TMCO6: variants seen among roughly 807,000 people sequenced by gnomAD.
TMCO6 encodes the protein transmembrane and coiled-coil domains 6.
Under a neutral mutation model 61.8 loss-of-function variants are expected in TMCO6, and 47 were observed. The ratio of observed to expected loss-of-function variants is 0.76; its 90% CI spans 0.60 to 0.97. The LOEUF is 0.97. Among genes scored for constraint, TMCO6 ranks in the 50% least tolerant of loss-of-function variants. The pLI is 0.00. For synonymous variants in TMCO6, 261 were observed against 254.2 expected (o/e 1.03, Z -0.25); for missense variants, 557 against 601.6 (o/e 0.93, Z 0.78).
upstream of TMCO6, among the ~76,000 whole-genome samples, chr5:140,637,948 CT>C (rs1262574162): frequency 6.7e-6 from 1 of 150,180 alleles, no homozygotes; most frequent in African/African-American, 2.5e-5. Flanking sequence ...CTCCTTTCCT[CT>C]TTTCTTTTCT....
chr5:140,639,941 A>G (rs946955558), intron 2 of TMCO6, 90 bp downstream of exon 2: 1 of 1,086,798 alleles, frequency 9.2e-7, no homozygotes, highest in African/African-American at 1.6e-5. Context: ...ACCTGAACGC[A>G]ATCCACTCTA....
the TMCO6 span, among the ~76,000 whole-genome samples, chr5:140,615,051 C>T: frequency 6.6e-6 from 1 of 152,126 alleles, no homozygotes; most frequent in Non-Finnish European, 1.5e-5. Context: ...ATGTAGAAAA[C>T]CCTAAAAATT....
chr5:140,604,780 C>G, the TMCO6 span, among the ~76,000 whole-genome samples: 1 of 124,722 alleles, frequency 8.0e-6, no homozygotes, highest in Non-Finnish European at 1.7e-5. Flanking sequence ...TGTCATTTCT[C>G]TTTTTTTTTT....
intron 2 of TMCO6, among the ~76,000 whole-genome samples, chr5:140,640,400 TTTTTC>T (rs535649277): frequency 3.2e-4 from 49 of 151,952 alleles, no homozygotes; most frequent in African/African-American, 8.5e-4. Context: ...GAGCCTATTT[TTTTTC>T]TTTTCTTTTC....
chr5:140,637,713 T>C (rs1480642864), upstream of TMCO6, among the ~76,000 whole-genome samples: 1 of 152,214 alleles, frequency 6.6e-6, no homozygotes, highest in Non-Finnish European at 1.5e-5. Flanking sequence ...GAAGGTTTCC[T>C]CTGCAAATAA....
chr5:140,604,971 T>A, the TMCO6 span, among the ~76,000 whole-genome samples: 1 of 152,302 alleles, frequency 6.6e-6, no homozygotes, highest in South Asian at 2.1e-4. Flanking sequence ...TGCATAAACA[T>A]TGAAGGGATG....
the TMCO6 span, chr5:140,632,394 G>T: frequency 5.6e-5 from 90 of 1,614,066 alleles, no homozygotes; most frequent in South Asian, 9.8e-4. The surrounding 1 kb of genome is among the most constrained non-coding windows in gnomAD (Gnocchi z 6.2). Flanking sequence ...GTCTAGGCTG[G>T]TAAGGGCCGG....
At chr5:140,631,657 G>A in the TMCO6 span, 3 of 494,952 alleles carry the variant, frequency 6.1e-6, no homozygotes, top group African/African-American at 1.9e-5. Flanking sequence ...TAAGTATGAT[G>A]AATTCCCCAT....
the TMCO6 span, among the ~76,000 whole-genome samples, chr5:140,613,598 G>A: frequency 6.6e-6 from 1 of 151,964 alleles, no homozygotes; most frequent in Non-Finnish European, 1.5e-5. Flanking sequence ...CTAGGTACCA[G>A]TCCCTTTTAT....
At chr5:140,597,702 C>T in the TMCO6 span, among the ~76,000 whole-genome samples, 3 of 152,270 alleles carry the variant, frequency 2.0e-5, no homozygotes, top group South Asian at 6.2e-4. Flanking sequence ...TAACAAGTGC[C>T]TCCCCTTCAG....
intron 10 of TMCO6, 43 bp from the exon 11 acceptor site, chr5:140,644,528 CTT>C (rs745596344): frequency 3.1e-6 from 5 of 1,597,056 alleles, no homozygotes; most frequent in Middle Eastern, 1.7e-4. Context: ...TTGTTATGAT[CTT>C]TGTGTTTCAT....
chr5:140,636,590 C>T (rs1458847048), upstream of TMCO6, among the ~76,000 whole-genome samples: 4 of 151,854 alleles, frequency 2.6e-5, no homozygotes, highest in African/African-American at 9.7e-5. Flanking sequence ...AGGAAGGGCT[C>T]AAGATCCAGG....
chr5:140,621,459 C>T, the TMCO6 span, among the ~76,000 whole-genome samples: 1 of 152,156 alleles, frequency 6.6e-6, no homozygotes, highest in African/African-American at 2.4e-5. Flanking sequence ...ATTTCCTATG[C>T]CTGTCTTTAC....
downstream of TMCO6, chr5:140,647,048 G>A: frequency 1.8e-6 from 1 of 566,812 alleles, no homozygotes; most frequent in African/African-American, 1.9e-5. Context: ...GCAGGATTCG[G>A]TCAGCCTGCA....
chr5:140,630,935 G>C, the TMCO6 span, among the ~76,000 whole-genome samples: 308 of 152,354 alleles, frequency 2.0e-3, 2 homozygotes, highest in African/African-American at 6.8e-3. Flanking sequence ...TCATTGAAAT[G>C]AAGAAGGGGC....
At chr5:140,643,741 C>T (rs1429817867) in intron 8 of TMCO6, 39 bp from the exon 9 acceptor site, 3 of 1,608,496 alleles carry the variant, frequency 1.9e-6, no homozygotes, top group South Asian at 2.2e-5. Context: ...CAGGTAACCT[C>T]TTCCTTCTTA....
chr5:140,606,525 T>A, the TMCO6 span, among the ~76,000 whole-genome samples: 25 of 152,202 alleles, frequency 1.6e-4, no homozygotes, highest in Non-Finnish European at 3.4e-4. Context: ...ATTTTTAATT[T>A]TAATTCTGGC....
chr5:140,597,879 A>T, the TMCO6 span, among the ~76,000 whole-genome samples: 2 of 152,240 alleles, frequency 1.3e-5, no homozygotes, highest in African/African-American at 2.4e-5. Flanking sequence ...AAAGATTTAA[A>T]GGTATAGTTA....
the TMCO6 span, among the ~76,000 whole-genome samples, chr5:140,613,386 TAA>T: frequency 1.1e-5 from 1 of 87,434 alleles, no homozygotes; most frequent in Non-Finnish European, 2.1e-5. Context: ...AGACTCTGAC[TAA>T]AAAAAAAAAA....
Sources: gnomAD v4.1 joint callset for allele counts (sites outside exome capture counted in the v4.1 genomes callset) on GRCh38, gnomAD v4.1.1 for gene constraint, Gnocchi (gnomAD v3.1) non-coding constraint, MANE v1.5 for transcripts, NCBI Gene and HGNC (gene_info 2026-07-23, HGNC 2026-07-21) for gene names.